CCT6A: variants seen among roughly 807,000 people sequenced by gnomAD.
CCT6A encodes T-complex protein 1 subunit zeta.
A neutral mutation model predicts 58.6 loss-of-function variants in CCT6A; 6 were observed. That is an observed-to-expected ratio of 0.10 (90% confidence interval 0.06 to 0.20). The LOEUF (loss-of-function observed/expected upper bound fraction) is 0.20. Among genes scored for constraint, CCT6A ranks in the 10% least tolerant of loss-of-function variants. The pLI is 1.00. For missense variants in CCT6A, 516 were observed against 648.8 expected, an observed-to-expected ratio of 0.80 and a Z score of 2.22; for synonymous variants, 245 against 227.8, an observed-to-expected ratio of 1.08 and a Z score of -0.68.
In CCT6A at chr7:56,063,905, T is replaced by TG. The variant is rs1478486922; in HGVS notation, c.*821dup. 3.5e-6 allele frequency: 1 copy of TG among 285,930 alleles called. No homozygotes were observed. The highest frequency in any genetic ancestry group is 5.2e-5 in the South Asian group (1 of 19,362). 17.7% of individuals were successfully genotyped at this position (285,930 alleles called of 1,614,324 possible). A position where few individuals can be genotyped will look rare whatever the true frequency, so the allele number is the denominator to read the frequency against. On this transcript the variant is annotated 3_prime_UTR_variant, in exon 14 of 14. Coordinates refer to ENST00000275603, the MANE Select transcript of CCT6A (RefSeq NM_001762.4). The stretch of plus-strand genomic sequence containing the variant: ...GGTCTATCTCTGCAGTCCTTGAAGG[T>TG]GAAGTTGTGTGTTACTAGGCTGTGT...
intron 9 of CCT6A, 169 bp from the exon 10 acceptor site, chr7:56,060,100 G>A: frequency 3.3e-6 from 2 of 605,550 alleles, no homozygotes; most frequent in South Asian, 4.2e-5. Flanking sequence ...AGCCATTGAT[G>A]GGGAAAATCA....
Position 56,060,876 on chromosome 7 carries a change from G to A in CCT6A, c.1283G>A (p.Ser428Asn), listed in dbSNP as rs1267174096. 6.2e-7 allele frequency: 1 copy of A among 1,613,750 alleles called. No individual in the cohort carries two copies. Among genetic ancestry groups the A allele is most frequent in the Non-Finnish European group, 8.5e-7 (1 of 1,179,978 alleles). ...MAEALIKHKP[S>N]VKGRAQLGVQ... is the part of the protein sequence containing the mutation. Reference sequence around the variant, plus strand: ...GAAGCCCTGATTAAACATAAGCCCAGTGTAAAGGGCAGGGCACAGCTTGGA... The same window carrying A: ...GAAGCCCTGATTAAACATAAGCCCAATGTAAAGGGCAGGGCACAGCTTGGA... Residue 428 changes from serine (S) to asparagine (N), a missense_variant, in exon 11 of 14, where the codon AGT (serine) becomes AAT (asparagine). Physicochemically the swap from Ser to Asn is conservative, Grantham distance 46. Coordinates refer to ENST00000275603, the MANE Select transcript of CCT6A (RefSeq NM_001762.4).
At chr7:56,059,894 T>G in intron 9 of CCT6A, 1 of 415,140 alleles carries the variant, frequency 2.4e-6, no homozygotes, top group Non-Finnish European at 4.3e-6. Context: ...AGAAACAGGT[T>G]CATAATTGTG....
At chr7:56,052,744 G>A (rs1172852883) in intron 2 of CCT6A, among the ~76,000 whole-genome samples, 1 of 150,812 alleles carries the variant, frequency 6.6e-6, no homozygotes, top group African/African-American at 2.4e-5. Context: ...AAGAGAGGTT[G>A]ACACAATCAC....
rs1794306759 is a variant in CCT6A at position 56,056,502 on chromosome 7, C to G, written c.614+88C>G. ...CTTTGGGAGGCTGTGGTGGGCAAAT[C>G]ACCTCAGGTCAGGAGTTCCAGACCA... On this transcript the variant is annotated intron_variant, in intron 5 of 13. Transcript: ENST00000275603. 6 of 735,326 alleles carry G rather than the reference C, an allele frequency of 8.2e-6. No individual in the cohort carries two copies. In the Admixed American group the frequency reaches 1.0e-4, roughly 13 times the overall value. 45.6% of individuals were successfully genotyped at this position (735,326 alleles called of 1,614,324 possible).
intron 12 of CCT6A, 179 bp downstream of exon 12, chr7:56,062,028 G>A: frequency 4.3e-6 from 2 of 460,204 alleles, no homozygotes; most frequent in Non-Finnish European, 7.8e-6. Context: ...GTATAATTAA[G>A]GGACGAGTAG....
intron 1 of CCT6A, 36 bp from the exon 2 acceptor site, chr7:56,052,386 A>G (rs1415604877): frequency 6.3e-7 from 1 of 1,594,904 alleles, no homozygotes. Context: ...ATCGTTGAAA[A>G]AGTCATAGTC....
At chr7:56,055,192 T>C (rs1478546595) in intron 3 of CCT6A, among the ~76,000 whole-genome samples, 4 of 152,174 alleles carry the variant, frequency 2.6e-5, no homozygotes, top group African/African-American at 9.7e-5. Context: ...GAGAATTGCT[T>C]GAACCCAGGA....
At chr7:56,062,622 T>C (rs1794482607) in intron 12 of CCT6A, 61 bp from the exon 13 acceptor site, 1 of 1,337,246 alleles carries the variant, frequency 7.5e-7, no homozygotes, top group African/African-American at 1.4e-5. Context: ...TAAGCAAAGC[T>C]GCACACAATA....
intron 11 of CCT6A, 79 bp from the exon 12 acceptor site, chr7:56,061,668 C>CTTTTT (rs71015174): frequency 2.6e-5 from 8 of 312,696 alleles, no homozygotes; most frequent in African/African-American, 3.9e-5. Flanking sequence ...TTTCTTTTTT[C>CTTTTT]TTTTTTTTTT....
intron 3 of CCT6A, 84 bp downstream of exon 3, chr7:56,054,587 T>A: frequency 7.5e-7 from 1 of 1,340,502 alleles, no homozygotes; most frequent in Non-Finnish European, 1.0e-6. Context: ...CTGTTAATAG[T>A]AGCTGAGGTC....
chr7:56,052,339 T>A (rs1174643107), intron 1 of CCT6A, 83 bp from the exon 2 acceptor site: 5 of 1,278,548 alleles, frequency 3.9e-6, no homozygotes, highest in Non-Finnish European at 5.7e-6. Context: ...CTCCCTAAAA[T>A]CTGGGAAAAG....
At chr7:56,060,461 G>A (rs555783055) in intron 10 of CCT6A, 45 bp downstream of exon 10, 2 of 1,591,350 alleles carry the variant, frequency 1.3e-6, no homozygotes, top group Non-Finnish European at 8.6e-7. Flanking sequence ...TGTTTTGCTG[G>A]TCTGAAAGGC....
chr7:56,056,600 T>C (rs551774904), intron 5 of CCT6A, among the ~76,000 whole-genome samples, 186 bp downstream of exon 5: 3 of 151,628 alleles, frequency 2.0e-5, no homozygotes, highest in Admixed American at 1.3e-4. Context: ...GGCATGACTG[T>C]AATCCCAGCT....
rs1794544558 is a variant in CCT6A at position 56,063,832 on chromosome 7, A to G, written c.*747A>G. 1 of 170,048 alleles carries G rather than the reference A, an allele frequency of 5.9e-6. No individual in the cohort carries two copies. The highest frequency in any genetic ancestry group is 1.3e-5 in the Non-Finnish European group (1 of 79,676). 10.5% of individuals were successfully genotyped at this position (170,048 alleles called of 1,614,324 possible). ...TTCATCGCAAAGTCTCTAGCGTCAT[A>G]TTTTTCTCACCCAAATTACGTTTCC... On this transcript the variant is annotated 3_prime_UTR_variant, in exon 14 of 14. Transcript: ENST00000275603.
chr7:56,058,823 T>C, intron 8 of CCT6A, 121 bp downstream of exon 8: 1 of 624,366 alleles, frequency 1.6e-6, no homozygotes. Context: ...ATATTCACAT[T>C]GTGCACCCCG....
At chr7:56,061,184 C>T (rs2092838579) in intron 11 of CCT6A, among the ~76,000 whole-genome samples, 1 of 152,072 alleles carries the variant, frequency 6.6e-6, no homozygotes, top group African/African-American at 2.4e-5. Context: ...AGGGGTTATA[C>T]TTGAGTACAA....
chr7:56,061,765 G>A lies in CCT6A; in HGVS notation c.1366G>A (p.Gly456Ser), dbSNP rs1468924510. Reference sequence around the variant, plus strand: ...ACTTTAGGTTCTTGCTCAGAACTCTGGTTTTGACCTTCAGGAAACATTAGT... The same window carrying A: ...ACTTTAGGTTCTTGCTCAGAACTCTAGTTTTGACCTTCAGGAAACATTAGT... ...IIPKVLAQNS[G>S]FDLQETLVKI... is the part of the protein sequence containing the mutation. Residue 456 changes from glycine to serine, a missense_variant, in exon 12 of 14, where the codon GGT becomes AGT. Gly to Ser is a moderately conservative substitution (Grantham distance 56). This residue lies in a region of CCT6A where 315 missense variants were observed against 389.4 expected (regional missense o/e 0.81). Coordinates refer to ENST00000275603, the MANE Select transcript of CCT6A (RefSeq NM_001762.4). The A allele has an allele frequency of 6.5e-7, 1 of 1,548,946 alleles. No homozygotes were observed. The highest frequency in any genetic ancestry group is 8.7e-7 in the Non-Finnish European group (1 of 1,145,384).
chr7:56,054,024 C>A (rs1215271931), intron 2 of CCT6A, among the ~76,000 whole-genome samples: 4 of 146,896 alleles, frequency 2.7e-5, no homozygotes, highest in Non-Finnish European at 6.1e-5. Flanking sequence ...TTAGGAGATA[C>A]CTGGCTTATT....
Sources: allele counts gnomAD v4.1 joint callset (sites outside exome capture counted in the v4.1 genomes callset), GRCh38; gene constraint gnomAD v4.1.1; regional missense constraint gnomAD v4.1.1; transcripts MANE v1.5; gene names NCBI Gene and HGNC (gene_info 2026-07-23, HGNC 2026-07-21).